The following SGCZ variants were observed in gnomAD, a reference collection of about 807,000 sequenced individuals.
SGCZ encodes the protein zeta-sarcoglycan.
In SGCZ, 40 loss-of-function variants were observed where a neutral mutation model predicts 41.3. The observed-to-expected ratio is 0.97, with a 90% CI of 0.75 to 1.26. The LOEUF is 1.26. SGCZ is among the 50% of genes most tolerant of loss of function. The probability of loss-of-function intolerance (pLI) is 0.00; values close to 1 mark genes in which losing one functional copy is unlikely to be tolerated. For synonymous variants in SGCZ, 206 were observed against 137.5 expected, an observed-to-expected ratio of 1.50 and a Z score of -3.49; for missense variants, 552 against 369.8, an observed-to-expected ratio of 1.49 and a Z score of -4.04.
chr8:14,854,024 TATATATA>T, intron 1 of SGCZ, among the ~76,000 whole-genome samples: 1 of 57,304 alleles, frequency 1.7e-5, no homozygotes, highest in South Asian at 5.1e-4. Flanking sequence ...GATTATATTA[TATATATA>T]TATATATATA....
intron 2 of SGCZ, among the ~76,000 whole-genome samples, chr8:14,548,164 G>A (rs1280239955): frequency 6.6e-6 from 1 of 152,136 alleles, no homozygotes; most frequent in Non-Finnish European, 1.5e-5. Flanking sequence ...GGAAGAAACA[G>A]AGCCACAGTT....
At chr8:14,762,976 C>G (rs1799938642) in intron 1 of SGCZ, among the ~76,000 whole-genome samples, 1 of 152,144 alleles carries the variant, frequency 6.6e-6, no homozygotes, top group African/African-American at 2.4e-5. Context: ...CTTCAGCACC[C>G]TGACTTATAA....
rs546034724 is a variant in SGCZ, at chr8:14,725,063, T to A, written c.40-170137A>T. Among the ~76,000 whole-genome samples the A allele has an allele frequency of 6.6e-5, 10 of 152,242 alleles. No individual in the cohort carries two copies. In the East Asian group the frequency reaches 1.9e-3, roughly 29 times the overall value. Reference sequence around the variant, plus strand: ...ACTCTCTATCTCCATGAGGTCAACTTTTTTAGCTCCCACATATGAGTGAGA... The same window carrying A: ...ACTCTCTATCTCCATGAGGTCAACTATTTTAGCTCCCACATATGAGTGAGA... On this transcript the variant is annotated intron_variant, in intron 1 of 7. Coordinates refer to ENST00000382080, the MANE Select transcript of SGCZ (RefSeq NM_139167.4).
At chr8:14,497,092 C>T (rs1802010040) in intron 2 of SGCZ, among the ~76,000 whole-genome samples, 2 of 152,168 alleles carry the variant, frequency 1.3e-5, no homozygotes, top group African/African-American at 2.4e-5. Flanking sequence ...CTTATGAAGA[C>T]ATCTTTTGGT....
Position 14,591,614 on chromosome 8 carries a change from A to T in SGCZ, c.40-36688T>A, listed in dbSNP as rs115859543. Among the ~76,000 whole-genome samples, 500 of 152,234 alleles carry T rather than the reference A, an allele frequency of 3.3e-3. 3 individuals carry two copies. Among genetic ancestry groups the T allele is most frequent in the African/African-American group, 0.011 (475 of 41,576 alleles). Reference sequence around the variant, plus strand: ...CATAAGATGTTTGCACCTTATGCAAACGTTATTGATAACATTAACATTTTT... The same window carrying T: ...CATAAGATGTTTGCACCTTATGCAATCGTTATTGATAACATTAACATTTTT... On this transcript the variant is annotated intron_variant, in intron 1 of 7. Transcript: ENST00000382080.
intron 2 of SGCZ, among the ~76,000 whole-genome samples, chr8:14,398,583 G>C (rs1024054263): frequency 3.9e-5 from 6 of 152,128 alleles, no homozygotes; most frequent in Non-Finnish European, 8.8e-5. Context: ...ACACTTCCAA[G>C]TTGCCTTGGG....
intron 5 of SGCZ, among the ~76,000 whole-genome samples, chr8:14,119,974 T>C (rs746082235): frequency 7.2e-5 from 11 of 152,154 alleles, no homozygotes; most frequent in Admixed American, 3.3e-4. Context: ...TAGTATTTTT[T>C]TGAGGATTTT....
intron 2 of SGCZ, among the ~76,000 whole-genome samples, chr8:14,532,815 C>T (rs758785954): frequency 8.6e-5 from 13 of 151,256 alleles, no homozygotes; most frequent in Non-Finnish European, 1.2e-4. Context: ...AAGAAAGTCC[C>T]GACTCACTAC....
At chr8:14,505,477 T>C (rs1157973654) in intron 2 of SGCZ, among the ~76,000 whole-genome samples, 2 of 152,182 alleles carry the variant, frequency 1.3e-5, no homozygotes, top group African/African-American at 2.4e-5. Flanking sequence ...AAATTAAGGA[T>C]ACTCCCTGAG....
intron 1 of SGCZ, among the ~76,000 whole-genome samples, chr8:14,635,013 T>A (rs1192346830): frequency 6.6e-6 from 1 of 151,674 alleles, no homozygotes; most frequent in Non-Finnish European, 1.5e-5. Flanking sequence ...ATACATAGGC[T>A]TTTTTTAGTA....
At chr8:15,155,102 G>A (rs900950498) in intron 1 of SGCZ, among the ~76,000 whole-genome samples, 3 of 150,258 alleles carry the variant, frequency 2.0e-5, no homozygotes, top group Non-Finnish European at 1.5e-5. Context: ...GACCAGCCTG[G>A]GAAACATGGT....
chr8:14,758,388 G>C (rs1002430555), intron 1 of SGCZ, among the ~76,000 whole-genome samples: 7 of 152,038 alleles, frequency 4.6e-5, no homozygotes, highest in South Asian at 2.1e-4. Context: ...AACCAAGTCA[G>C]CTTCTTTTTT....
intron 3 of SGCZ, among the ~76,000 whole-genome samples, chr8:14,313,910 C>CTCTCTGTG (rs148519698): frequency 6.9e-6 from 1 of 144,804 alleles, no homozygotes; most frequent in African/African-American, 2.5e-5. Context: ...TATCATCTCT[C>CTCTCTGTG]TGTGTGTGTG....
intron 1 of SGCZ, among the ~76,000 whole-genome samples, chr8:14,602,198 CA>C (rs1805616255): frequency 1.3e-5 from 2 of 152,004 alleles, no homozygotes. Flanking sequence ...TTCAGAGCTT[CA>C]GAGAAAATAT....
intron 1 of SGCZ, among the ~76,000 whole-genome samples, chr8:14,906,979 C>A (rs1799136096): frequency 6.6e-6 from 1 of 152,148 alleles, no homozygotes; most frequent in South Asian, 2.1e-4. Context: ...GAATTTATAA[C>A]AATTCAATAA....
At chr8:15,059,257 A>C (rs1804828559) in intron 1 of SGCZ, among the ~76,000 whole-genome samples, 1 of 152,188 alleles carries the variant, frequency 6.6e-6, no homozygotes, top group Admixed American at 6.5e-5. Context: ...AAACTAACAA[A>C]AATATTAACT....
chr8:14,584,917 T>C (rs184454515), intron 1 of SGCZ, among the ~76,000 whole-genome samples: 1 of 152,102 alleles, frequency 6.6e-6, no homozygotes, highest in South Asian at 2.1e-4. Flanking sequence ...TTACAGTCAT[T>C]TGTTAAATAA....
intron 1 of SGCZ, among the ~76,000 whole-genome samples, chr8:14,822,495 A>T (rs2130572784): frequency 6.6e-6 from 1 of 152,326 alleles, no homozygotes; most frequent in East Asian, 1.9e-4. Flanking sequence ...ATTCACATGG[A>T]ATCACAAAAG....
At chr8:14,573,187 G>T (rs1205374631) in intron 1 of SGCZ, among the ~76,000 whole-genome samples, 15 of 123,344 alleles carry the variant, frequency 1.2e-4, no homozygotes, top group East Asian at 7.9e-4. Context: ...TTCTTAGCAA[G>T]TCTTTTTTTT....
Sources: gnomAD v4.1 joint callset for allele counts (sites outside exome capture counted in the v4.1 genomes callset) on GRCh38, gnomAD v4.1.1 for gene constraint, MANE v1.5 for transcripts, NCBI Gene and HGNC (gene_info 2026-07-23, HGNC 2026-07-21) for gene names.